CDH13: variants seen among roughly 807,000 people sequenced by gnomAD.
CDH13 encodes cadherin 13, also known as cadherin-13.
CDH13 carries 24 observed loss-of-function variants against 63.8 expected under a neutral mutation model. That is an observed-to-expected ratio of 0.38 (90% CI 0.27 to 0.53). The LOEUF (loss-of-function observed/expected upper bound fraction) is 0.53, where lower values mean the gene tolerates loss of function less well. Ranked by LOEUF, CDH13 falls within the 20% of genes least tolerant of loss-of-function variation. The pLI, the probability that CDH13 is intolerant of heterozygous loss-of-function variation, is 0.85. For synonymous variants in CDH13, 503 were observed against 355.3 expected (o/e 1.42, Z -4.67); for missense variants, 1,049 against 903.1 (o/e 1.16, Z -2.07).
chr16:82,746,857 A>G (rs1258263523), intron 1 of CDH13, among the ~76,000 whole-genome samples: 1 of 152,180 alleles, frequency 6.6e-6, no homozygotes, highest in Admixed American at 6.5e-5. Context: ...TGTAACGATC[A>G]CTTATAATGT....
At chr16:83,646,295 C>G (rs148971974) in intron 8 of CDH13, among the ~76,000 whole-genome samples, 2 of 152,192 alleles carry the variant, frequency 1.3e-5, no homozygotes, top group African/African-American at 2.4e-5. Context: ...GGGTGAGTAG[C>G]GTACCCGGGT....
chr16:82,716,039 C>A (rs2032348633), intron 1 of CDH13, among the ~76,000 whole-genome samples: 1 of 152,126 alleles, frequency 6.6e-6, no homozygotes, highest in Admixed American at 6.5e-5. Flanking sequence ...TTTGGCTCTG[C>A]CTAAAGTCGG....
intron 1 of CDH13, among the ~76,000 whole-genome samples, chr16:82,852,777 G>A (rs551783306): frequency 6.6e-6 from 1 of 152,260 alleles, no homozygotes; most frequent in South Asian, 2.1e-4. Flanking sequence ...GCTTGGAGAG[G>A]GGCACTCTAC....
intron 10 of CDH13, among the ~76,000 whole-genome samples, chr16:83,736,807 C>G (rs996990983): frequency 6.6e-6 from 1 of 152,142 alleles, no homozygotes; most frequent in East Asian, 1.9e-4. Flanking sequence ...AGTTGGGAGA[C>G]CTTTGGTAAA....
chr16:83,100,507 T>A (rs1297254689), intron 3 of CDH13, among the ~76,000 whole-genome samples: 2 of 152,198 alleles, frequency 1.3e-5, no homozygotes, highest in East Asian at 3.9e-4. Context: ...CAACTTACAG[T>A]CCAAGACATA....
rs529161718 is a variant in CDH13 at position 83,597,147 on chromosome 16, T to C, written c.961-5307T>C. Among the ~76,000 whole-genome samples the C allele has an allele frequency of 2.0e-5, 3 of 152,166 alleles. No homozygotes were observed. In the East Asian group the frequency reaches 5.8e-4, roughly 29 times the overall value. On this transcript the variant is annotated intron_variant, in intron 7 of 13. Coordinates refer to ENST00000567109, the MANE Select transcript of CDH13 (RefSeq NM_001257.5). ...CTAAGTTGGGAGGATCTCTTGAGCC[T>C]GGGAGGTCGAGGCTGCAGTGAGCTG...
At chr16:82,997,732 A>G (rs976605297) in intron 2 of CDH13, among the ~76,000 whole-genome samples, 2 of 152,216 alleles carry the variant, frequency 1.3e-5, no homozygotes, top group African/African-American at 4.8e-5. Flanking sequence ...GCTCAGCTAT[A>G]TCTAACATAG....
chr16:82,804,168 C>G (rs891206710), intron 1 of CDH13, among the ~76,000 whole-genome samples: 1 of 116,038 alleles, frequency 8.6e-6, no homozygotes, highest in African/African-American at 4.2e-5. Flanking sequence ...GTGGAGGTTG[C>G]AGTGAGCTGA....
At chr16:82,995,810 CG>C (rs1190810610) in intron 2 of CDH13, among the ~76,000 whole-genome samples, 1 of 152,104 alleles carries the variant, frequency 6.6e-6, no homozygotes, top group Non-Finnish European at 1.5e-5. Context: ...ACAGGGATCA[CG>C]CTGCATCCAT....
intron 1 of CDH13, among the ~76,000 whole-genome samples, chr16:82,774,083 A>G (rs1028243122): frequency 6.6e-6 from 1 of 152,076 alleles, no homozygotes; most frequent in Non-Finnish European, 1.5e-5. Flanking sequence ...GTGCCCGGCC[A>G]GTATTGTTCT....
chr16:83,408,538 G>C (rs957588087), intron 6 of CDH13, among the ~76,000 whole-genome samples: 6 of 152,056 alleles, frequency 3.9e-5, no homozygotes, highest in African/African-American at 1.4e-4. Context: ...ACATAGAAAA[G>C]ATACCATAAA....
At chr16:82,800,035 C>T (rs755016898) in intron 1 of CDH13, among the ~76,000 whole-genome samples, 5 of 152,204 alleles carry the variant, frequency 3.3e-5, no homozygotes, top group Non-Finnish European at 5.9e-5. Flanking sequence ...AATGACATCA[C>T]ATCTTTGTTA....
intron 2 of CDH13, among the ~76,000 whole-genome samples, chr16:82,901,365 T>TGTGTGTCTGATG (rs1442150453): frequency 7.0e-6 from 1 of 141,864 alleles, no homozygotes; most frequent in East Asian, 2.0e-4. Flanking sequence ...TGTGTGTGTG[T>TGTGTGTCTGATG]GTCTGATGAT....
At chr16:83,333,271 C>T (rs889735486) in intron 5 of CDH13, among the ~76,000 whole-genome samples, 4 of 151,082 alleles carry the variant, frequency 2.6e-5, no homozygotes, top group African/African-American at 7.3e-5. Context: ...ACCTGGATTA[C>T]GGTAATAGAA....
chr16:83,087,809 T>C (rs959351965), intron 3 of CDH13, among the ~76,000 whole-genome samples: 2 of 152,178 alleles, frequency 1.3e-5, no homozygotes, highest in African/African-American at 4.8e-5. Flanking sequence ...CCATTTATTA[T>C]TGAATATAAA....
chr16:82,644,078 G>A lies in CDH13; in HGVS notation c.45+16941G>A, dbSNP rs961006012. ...TGGGGGGTGGTATGGAGGTCGGGTG[G>A]GGAGAAAGAGGAGAGAAATCTAATT... is the stretch of plus-strand genomic sequence containing the variant. On this transcript the variant is annotated intron_variant, in intron 1 of 13. Coordinates refer to ENST00000567109, the MANE Select transcript of CDH13 (RefSeq NM_001257.5). This position sits in a 1 kb window ranked among gnomAD's most constrained non-coding sequence, Gnocchi z 5.7. Among the ~76,000 whole-genome samples, 5 of 152,070 alleles carry A rather than the reference G, an allele frequency of 3.3e-5. No individual in the cohort carries two copies. In the East Asian group the frequency reaches 5.8e-4, roughly 18 times the overall value.
chr16:83,529,809 A>T (rs998777359), intron 7 of CDH13, among the ~76,000 whole-genome samples: 4 of 152,246 alleles, frequency 2.6e-5, no homozygotes, highest in Admixed American at 2.6e-4. Context: ...AAATGTCAAC[A>T]TATTGAACAT....
At chr16:83,470,240 G>A (rs897879866) in intron 6 of CDH13, among the ~76,000 whole-genome samples, 3 of 152,000 alleles carry the variant, frequency 2.0e-5, no homozygotes, top group Non-Finnish European at 4.4e-5. Flanking sequence ...GCTTTTTTTA[G>A]AGAAAGGTGT....
At chr16:82,792,059 C>T (rs930668636) in intron 1 of CDH13, among the ~76,000 whole-genome samples, 1 of 152,176 alleles carries the variant, frequency 6.6e-6, no homozygotes, top group Non-Finnish European at 1.5e-5. Flanking sequence ...CTGTCCCCTC[C>T]TTTTGAGTGT....
Sources: allele counts gnomAD v4.1 joint callset (sites outside exome capture counted in the v4.1 genomes callset), GRCh38; gene constraint gnomAD v4.1.1; non-coding constraint Gnocchi (gnomAD v3.1); transcripts MANE v1.5; gene names NCBI Gene and HGNC (gene_info 2026-07-23, HGNC 2026-07-21).